Variants in FRMD6 observed in about 807,000 individuals in gnomAD.
FRMD6 encodes the protein FERM domain containing 6, also known as FERM domain-containing protein 6.
A neutral mutation model predicts 73.2 loss-of-function variants in FRMD6; 37 were observed. The ratio of observed to expected loss-of-function variants is 0.51; its 90% CI spans 0.39 to 0.66. The LOEUF (loss-of-function observed/expected upper bound fraction) is 0.66, where lower values mean the gene tolerates loss of function less well. FRMD6 is among the 30% of genes least tolerant of loss of function. The pLI, the probability that FRMD6 is intolerant of heterozygous loss-of-function variation, is 0.00. For missense variants in FRMD6, 714 were observed against 780.5 expected (o/e 0.91, Z 1.02); for synonymous variants, 273 against 282.2 (o/e 0.97, Z 0.33).
intron 1 of FRMD6, chr14:51,565,508 A>C (rs1448545792): frequency 6.6e-6 from 1 of 152,234 alleles, no homozygotes; most frequent in Non-Finnish European, 1.5e-5. Flanking sequence ...ATTTGAAAAG[A>C]AACAACCCTT....
At chr14:51,618,393 G>T (rs1425000036) in intron 2 of FRMD6, among the ~76,000 whole-genome samples, 3 of 152,154 alleles carry the variant, frequency 2.0e-5, no homozygotes, top group African/African-American at 7.2e-5. Flanking sequence ...GGAGACAAGA[G>T]CACAGCTTGC....
intron 2 of FRMD6, among the ~76,000 whole-genome samples, chr14:51,593,018 C>A (rs35864858): frequency 0.048 from 7,328 of 152,246 alleles, 231 homozygotes; most frequent in Middle Eastern, 0.11. Context: ...ATAGGCAGAG[C>A]TGATGGTTAT....
chr14:51,718,887 C>T (rs1897380955), intron 10 of FRMD6, among the ~76,000 whole-genome samples: 1 of 152,138 alleles, frequency 6.6e-6, no homozygotes, highest in Admixed American at 6.5e-5. Context: ...TCTAGGGACC[C>T]TGTGATGATT....
At chr14:51,430,145 A>G in the FRMD6 span, among the ~76,000 whole-genome samples, 1 of 152,246 alleles carries the variant, frequency 6.6e-6, no homozygotes, top group African/African-American at 2.4e-5. Context: ...GTTCAATGCC[A>G]TGGGCTGTTC....
At chr14:51,515,492 G>T (rs925232408) in intron 1 of FRMD6, among the ~76,000 whole-genome samples, 3 of 152,278 alleles carry the variant, frequency 2.0e-5, no homozygotes, top group East Asian at 3.9e-4. Flanking sequence ...GCCCCCATTT[G>T]TTGGAATCCC....
At chr14:51,499,935 T>A (rs1269023810) in intron 1 of FRMD6, among the ~76,000 whole-genome samples, 1 of 152,152 alleles carries the variant, frequency 6.6e-6, no homozygotes, top group Non-Finnish European at 1.5e-5. Flanking sequence ...AATGGCTTGG[T>A]GGCCCTGAAC....
intron 1 of FRMD6, among the ~76,000 whole-genome samples, chr14:51,505,790 G>C (rs1416724708): frequency 6.6e-6 from 1 of 152,034 alleles, no homozygotes; most frequent in African/African-American, 2.4e-5. Context: ...ACCCTTTCCA[G>C]AGGTTTTATC....
rs1231999788 is a variant in FRMD6, at chr14:51,612,855, A to G, written c.-147+42445A>G. On this transcript the variant is annotated intron_variant, in intron 2 of 14. Coordinates refer to the FRMD6 transcript ENST00000356218. ...AAAAAGTCAGAGTCAAATAAATTCA[A>G]TATAACATGATAGATATGTGCCATA... is the stretch of plus-strand genomic sequence containing the variant. Among the ~76,000 whole-genome samples, 9 of 152,254 alleles carry G rather than the reference A, an allele frequency of 5.9e-5. No individual in the cohort carries two copies. The East Asian group carries it at 1.7e-3, about 29-fold the overall frequency.
chr14:51,436,655 G>T, the FRMD6 span: 1 of 533,672 alleles, frequency 1.9e-6, no homozygotes, highest in South Asian at 1.9e-5. Flanking sequence ...CTGGTTTACT[G>T]ACCATTCTGA....
chr14:51,490,425 G>A (rs1016926649), intron 1 of FRMD6, among the ~76,000 whole-genome samples: 2 of 152,114 alleles, frequency 1.3e-5, no homozygotes, highest in Non-Finnish European at 2.9e-5. Flanking sequence ...GGGAGGGAGA[G>A]AGGAGAAACT....
intron 1 of FRMD6, among the ~76,000 whole-genome samples, chr14:51,569,823 C>CTT (rs11350712): frequency 1.4e-5 from 2 of 141,054 alleles, no homozygotes; most frequent in Non-Finnish European, 1.5e-5. Context: ...TCTTCTTTTT[C>CTT]TTTTTTTTTT....
chr14:51,671,334 T>C (rs139916281), intron 1 of FRMD6, among the ~76,000 whole-genome samples: 1 of 152,328 alleles, frequency 6.6e-6, no homozygotes, highest in Non-Finnish European at 1.5e-5. Context: ...TATTTGAACA[T>C]TGATAGAGTT....
At chr14:51,680,234 T>G (rs968137890) in intron 1 of FRMD6, among the ~76,000 whole-genome samples, 13 of 152,148 alleles carry the variant, frequency 8.5e-5, no homozygotes, top group Non-Finnish European at 1.6e-4. Context: ...GGCCCAGGCC[T>G]CTCCACTAGG....
intron 2 of FRMD6, among the ~76,000 whole-genome samples, chr14:51,611,794 G>A (rs1890517396): frequency 6.6e-6 from 1 of 152,126 alleles, no homozygotes; most frequent in African/African-American, 2.4e-5. Context: ...GCCTTTATAT[G>A]TCACTTTATC....
chr14:51,613,784 A>C (rs1890606414), intron 2 of FRMD6, among the ~76,000 whole-genome samples: 2 of 152,156 alleles, frequency 1.3e-5, no homozygotes, highest in African/African-American at 4.8e-5. Context: ...AGTACCATTC[A>C]ACAGAAATAC....
At chr14:51,641,648 G>A (rs956910451) in intron 2 of FRMD6, among the ~76,000 whole-genome samples, 2 of 152,118 alleles carry the variant, frequency 1.3e-5, no homozygotes, top group East Asian at 3.8e-4. Flanking sequence ...TAGACACTTG[G>A]CAGGCTCAGC....
chr14:51,591,360 A>G (rs1173166071), intron 2 of FRMD6, among the ~76,000 whole-genome samples: 1 of 152,230 alleles, frequency 6.6e-6, no homozygotes, highest in Non-Finnish European at 1.5e-5. Context: ...ACAAAGGACA[A>G]AGTGGTGGAA....
intron 2 of FRMD6, among the ~76,000 whole-genome samples, chr14:51,690,776 G>A (rs1895506696): frequency 6.6e-6 from 1 of 152,134 alleles, no homozygotes; most frequent in East Asian, 1.9e-4. Context: ...CTGAACATTT[G>A]AGCACTAAGC....
chr14:51,685,885 A>T (rs1895116106), intron 1 of FRMD6, among the ~76,000 whole-genome samples: 1 of 152,224 alleles, frequency 6.6e-6, no homozygotes, highest in African/African-American at 2.4e-5. Context: ...CACGAGCTGT[A>T]TAAATGTGTG....
Sources: allele counts gnomAD v4.1 joint callset (sites outside exome capture counted in the v4.1 genomes callset), GRCh38; gene constraint gnomAD v4.1.1; transcripts MANE v1.5; gene names NCBI Gene and HGNC (gene_info 2026-07-23, HGNC 2026-07-21).